Variants in LIG1 observed in about 807,000 individuals in gnomAD.
The protein encoded by LIG1 is ligase I, DNA, ATP-dependent.
LIG1 carries 70 observed loss-of-function variants against 115.7 expected under a neutral mutation model. That is an observed-to-expected ratio of 0.60 (90% CI 0.50 to 0.74). The LOEUF (loss-of-function observed/expected upper bound fraction) is 0.74, where lower values mean the gene tolerates loss of function less well. Among genes scored for constraint, LIG1 ranks in the 30% least tolerant of loss-of-function variants. LIG1 has a pLI of 0.00. For synonymous variants in LIG1, 487 were observed against 495.3 expected (o/e 0.98, Z 0.22); for missense variants, 1,115 against 1,225.6 (o/e 0.91, Z 1.35).
In LIG1 at chr19:48,135,759, C is replaced by G. The variant is rs2034339837; in HGVS notation, c.1444G>C (p.Asp482His). The G allele has an allele frequency of 6.2e-7, 1 of 1,614,028 alleles. No individual in the cohort carries two copies. Among genetic ancestry groups the G allele is most frequent in the South Asian group, 1.1e-5 (1 of 91,090 alleles). The part of the protein sequence containing the change: ...PGQEFPPAMV[D>H]AGKGKTAEAR... The stretch of plus-strand genomic sequence containing the variant: ...TCTGCTGTCTTGCCCTTCCCAGCAT[C>G]CACCATGGCTGGTGGGAATTCTAAG... Residue 482 changes from aspartate to histidine, a missense_variant, in exon 16 of 28, where the codon GAT (aspartate) becomes CAT (histidine). Coordinates refer to ENST00000263274, the MANE Select transcript of LIG1 (RefSeq NM_000234.3).
chr19:48,153,738 T>A (rs866438616), intron 6 of LIG1, 134 bp downstream of exon 6: 8 of 415,874 alleles, frequency 1.9e-5, no homozygotes, highest in South Asian at 8.8e-5. Context: ...CCTCTTGGCT[T>A]CACACACACA....
At chr19:48,129,851 G>A (rs759798785) in intron 19 of LIG1, among the ~76,000 whole-genome samples, 22 of 152,174 alleles carry the variant, frequency 1.4e-4, no homozygotes, top group Non-Finnish European at 2.8e-4. Flanking sequence ...CGCCTCCTGG[G>A]TACAAACGAT....
intron 26 of LIG1, among the ~76,000 whole-genome samples, chr19:48,117,334 A>G (rs2032918171): frequency 7.7e-6 from 1 of 130,192 alleles, no homozygotes; most frequent in Non-Finnish European, 1.6e-5. Flanking sequence ...TAATTTTTGT[A>G]TTTTTGGTAG....
In LIG1 at chr19:48,137,107, G is replaced by T; in HGVS notation, c.1255-23C>A. On this transcript the variant is annotated intron_variant, in intron 13 of 27. Coordinates refer to ENST00000263274, the MANE Select transcript of LIG1 (RefSeq NM_000234.3). This position sits in a 1 kb window ranked among gnomAD's most constrained non-coding sequence, Gnocchi z 4.3. The stretch of plus-strand genomic sequence containing the variant: ...GGACTGGAGAGTCAGGGGAAGAGCC[G>T]TCAGTGCCTGGTGAAGGCAGGGACC... The T allele has an allele frequency of 6.3e-7, 1 of 1,590,572 alleles. No homozygotes were observed. The highest frequency in any genetic ancestry group is 8.6e-7 in the Non-Finnish European group (1 of 1,161,344).
At chr19:48,123,412 CACA>C (rs2033438662) in intron 21 of LIG1, 94 bp from the exon 22 acceptor site, 3 of 1,427,466 alleles carry the variant, frequency 2.1e-6, no homozygotes, top group Non-Finnish European at 1.9e-6. Context: ...ATGTGCGGGT[CACA>C]ACTAGTGACA....
chr19:48,137,621 G>GTTCTCGGCCACCAGCCCCACGTCGCCT lies in LIG1; in HGVS notation c.1128_1154dup (p.Lys376_Glu384dup). 6.2e-7 allele frequency: 1 copy of GTTCTCGGCCACCAGCCCCACGTCGCCT among 1,611,928 alleles called. No homozygotes were observed. The highest frequency in any genetic ancestry group is 8.5e-7 in the Non-Finnish European group (1 of 1,179,876). On this transcript the variant is annotated inframe_insertion, in exon 13 of 28. Coordinates refer to ENST00000263274, the MANE Select transcript of LIG1 (RefSeq NM_000234.3). This position sits in a 1 kb window ranked among gnomAD's most constrained non-coding sequence, Gnocchi z 4.3. The stretch of plus-strand genomic sequence containing the variant: ...GCATGAGCCTCTGGGTGCTGCGGCT[G>GTTCTCGGCCACCAGCCCCACGTCGCCT]TTCTCGGCCACCAGCCCCACGTCGC...
chr19:48,160,749 T>A (rs1385347176), intron 4 of LIG1, among the ~76,000 whole-genome samples: 2 of 151,954 alleles, frequency 1.3e-5, no homozygotes, highest in Admixed American at 1.3e-4. Flanking sequence ...TTTTTTTTTT[T>A]TGAAGCAAGG....
chr19:48,118,390 A>G (rs1190914285), intron 25 of LIG1: 6 of 165,274 alleles, frequency 3.6e-5, no homozygotes, highest in African/African-American at 1.4e-4. Context: ...ACGGCTTTAT[A>G]AAGGGCAGTT....
chr19:48,131,293 A>G lies in LIG1; in HGVS notation c.1726-122T>C, dbSNP rs1599768161. 1.8e-5 allele frequency: 13 copies of G among 716,878 alleles called. No homozygotes were observed. In the East Asian group the frequency reaches 3.5e-4, roughly 19 times the overall value. The allele number at this position is 716,878 out of a possible 1,614,324, so 44.4% of individuals were successfully genotyped here. ...GAAGCTCTGGAGGAGGAACTGGTGCAGAGACTTGAGCGAATCATCTCCTCA... is the reference window on the plus strand; with the variant it reads ...GAAGCTCTGGAGGAGGAACTGGTGCGGAGACTTGAGCGAATCATCTCCTCA... On this transcript the variant is annotated intron_variant, in intron 18 of 27. Coordinates refer to ENST00000263274, the MANE Select transcript of LIG1 (RefSeq NM_000234.3).
intron 9 of LIG1, 108 bp downstream of exon 9, chr19:48,149,655 T>G: frequency 1.2e-6 from 1 of 848,160 alleles, no homozygotes; most frequent in Non-Finnish European, 2.0e-6. Context: ...TAGAAAAGGT[T>G]TGCCAAGTCC....
intron 25 of LIG1, among the ~76,000 whole-genome samples, chr19:48,118,062 A>G (rs2032990647): frequency 6.6e-6 from 1 of 152,168 alleles, no homozygotes; most frequent in Non-Finnish European, 1.5e-5. Flanking sequence ...ATGGAAAGAA[A>G]TGAAAGGCCC....
rs1483308416 is a variant in LIG1, at chr19:48,137,695, G to C, written c.1088-7C>G. 1 of 1,601,422 alleles carries C rather than the reference G, an allele frequency of 6.2e-7. No individual in the cohort carries two copies. The highest frequency in any genetic ancestry group is 1.3e-5 in the African/African-American group (1 of 74,914). On this transcript the variant is annotated splice_polypyrimidine_tract_variant and splice_region_variant and intron_variant, in intron 12 of 27. Transcript: ENST00000263274. The surrounding 1 kb of genome is among the most constrained non-coding windows in gnomAD (Gnocchi z 4.3). ...ACGGACTCCAGCTGCCGACCTTCAG[G>C]GGAGAGCGCGGGTGGGGGTGTCGAG...
In LIG1 at chr19:48,139,965, C is replaced by T. The variant is rs759049624; in HGVS notation, c.1087+6G>A. On this transcript the variant is annotated splice_donor_region_variant and intron_variant, in intron 12 of 27. Transcript: ENST00000263274. The stretch of plus-strand genomic sequence containing the variant: ...TTCTGGTCCCTCCAACCACAGTCCC[C>T]CTTACCTGTGGCCTGGGCCACTGCC... The T allele has an allele frequency of 2.5e-6, 4 of 1,614,120 alleles. No individual in the cohort carries two copies. Among genetic ancestry groups the T allele is most frequent in the Middle Eastern group, 1.6e-4 (1 of 6,062 alleles).
At chr19:48,141,105 G>A (rs888229547) in intron 11 of LIG1, among the ~76,000 whole-genome samples, 6 of 152,202 alleles carry the variant, frequency 3.9e-5, no homozygotes, top group Non-Finnish European at 8.8e-5. Flanking sequence ...CTGATGCTAC[G>A]GAGCATTTTC....
intron 2 of LIG1, 29 bp from the exon 3 acceptor site, chr19:48,162,380 A>T (rs969742602): frequency 6.5e-7 from 1 of 1,542,096 alleles, no homozygotes; most frequent in South Asian, 1.1e-5. Context: ...GGGTAAAAAA[A>T]GGAGAATAAC....
intron 2 of LIG1, among the ~76,000 whole-genome samples, chr19:48,163,230 T>C (rs1318003760): frequency 6.6e-6 from 1 of 151,484 alleles, no homozygotes; most frequent in Non-Finnish European, 1.5e-5. Context: ...AAAAAATTTT[T>C]TTTTTTGAGA....
At chr19:48,152,504 A>G (rs1568536219) in intron 6 of LIG1, among the ~76,000 whole-genome samples, 1 of 152,138 alleles carries the variant, frequency 6.6e-6, no homozygotes, top group Admixed American at 6.5e-5. Flanking sequence ...AAACCAAATG[A>G]CGTTAAAGGC....
In LIG1 at chr19:48,133,098, C is replaced by T. The variant is rs1249515817; in HGVS notation, c.1610-1G>A. ...GCCAACATTGGTTTCAGGGGAATCC[C>T]TGGGAAAGGAGGAGAGTGAGTTAGA... On this transcript the variant is annotated splice_acceptor_variant, in intron 17 of 27. Coordinates refer to ENST00000263274, the MANE Select transcript of LIG1 (RefSeq NM_000234.3). LOFTEE classifies it high-confidence loss of function. 6.2e-7 allele frequency: 1 copy of T among 1,600,348 alleles called. No individual in the cohort carries two copies. The highest frequency in any genetic ancestry group is 1.3e-5 in the African/African-American group (1 of 74,698).
chr19:48,169,980 G>C (rs1349589888), intron 1 of LIG1: 2 of 257,214 alleles, frequency 7.8e-6, no homozygotes, highest in Non-Finnish European at 1.5e-5. Flanking sequence ...GCACCTCAAG[G>C]CCTCTTCTCA....
Sources: gnomAD v4.1 joint callset for allele counts (sites outside exome capture counted in the v4.1 genomes callset) on GRCh38, gnomAD v4.1.1 for gene constraint, Gnocchi (gnomAD v3.1) non-coding constraint, MANE v1.5 for transcripts, NCBI Gene and HGNC (gene_info 2026-07-23, HGNC 2026-07-21) for gene names.